Variants in CIB1 observed in about 807,000 individuals in gnomAD.
CIB1 encodes the protein calcium and integrin binding 1, also known as calcium and integrin-binding protein 1.
In CIB1, 19 loss-of-function variants were observed where a neutral mutation model predicts 25.0. The ratio of observed to expected loss-of-function variants is 0.76; its 90% CI spans 0.53 to 1.12. The LOEUF is 1.12. Ranked by LOEUF, CIB1 falls within the 50% of genes most tolerant of loss-of-function variation. CIB1 has a pLI of 0.00. For missense variants in CIB1, 236 were observed against 242.6 expected, an observed-to-expected ratio of 0.97 and a Z score of 0.18; for synonymous variants, 104 against 98.5, an observed-to-expected ratio of 1.06 and a Z score of -0.33.
chr15:90,241,872 A>T, the CIB1 span: 18 of 1,613,998 alleles, frequency 1.1e-5, no homozygotes, highest in African/African-American at 2.7e-5. Flanking sequence ...CAGCTTTGGG[A>T]TAAAGGACGG....
Position 90,231,384 on chromosome 15 carries a change from T to G in CIB1, c.319A>C (p.Lys107Gln). The part of the protein sequence containing the change: ...VFSDTATPDI[K>Q]SHYAFRIFDF... ...AAGATGCGGAAGGCATAATGGGACTTGATGTCTGGCGTGGCTGTGTCACTG... is the reference window on the plus strand; with the variant it reads ...AAGATGCGGAAGGCATAATGGGACTGGATGTCTGGCGTGGCTGTGTCACTG... The change falls in exon 4 of 7, where the codon AAG becomes CAG. Residue 107 changes from lysine (K) to glutamine (Q), a missense_variant. Coordinates refer to ENST00000328649, the MANE Select transcript of CIB1 (RefSeq NM_006384.4). The G allele has an allele frequency of 6.2e-7, 1 of 1,614,198 alleles. No individual in the cohort carries two copies. The highest frequency in any genetic ancestry group is 8.5e-7 in the Non-Finnish European group (1 of 1,180,026).
the CIB1 span, chr15:90,242,171 T>C: frequency 2.2e-6 from 2 of 924,190 alleles, no homozygotes; most frequent in South Asian, 1.8e-5. Context: ...CACTGTAGCC[T>C]CCACCTCTGG....
the CIB1 span, chr15:90,263,393 T>C: frequency 2.0e-6 from 1 of 507,604 alleles, no homozygotes; most frequent in Non-Finnish European, 3.5e-6. Context: ...TACAGGAAAC[T>C]TGCTCTCTAT....
At chr15:90,255,148 A>T in the CIB1 span, among the ~76,000 whole-genome samples, 1 of 152,186 alleles carries the variant, frequency 6.6e-6, no homozygotes, top group Non-Finnish European at 1.5e-5. Context: ...CAACGGAAAG[A>T]TTCTCCTCCT....
upstream of CIB1, chr15:90,234,016 C>T: frequency 9.2e-7 from 1 of 1,091,816 alleles, no homozygotes; most frequent in Non-Finnish European, 1.2e-6. Flanking sequence ...CCGGGCCCGC[C>T]CCCTCCTAAA....
chr15:90,253,426 A>G, the CIB1 span: 1 of 1,326,922 alleles, frequency 7.5e-7, no homozygotes, highest in Non-Finnish European at 1.0e-6. Context: ...GACTATTCCC[A>G]CCTCCTTGCC....
the CIB1 span, among the ~76,000 whole-genome samples, chr15:90,247,193 C>T: frequency 2.0e-5 from 3 of 150,448 alleles, no homozygotes; most frequent in South Asian, 2.1e-4. Flanking sequence ...CCAGGCTGGT[C>T]TCGAACTCCT....
chr15:90,233,571 G>T, intron 2 of CIB1, 98 bp downstream of exon 2: 1 of 1,442,170 alleles, frequency 6.9e-7, no homozygotes, highest in South Asian at 1.2e-5. Context: ...CTCCTCTGCA[G>T]ACCTCAGGCC....
chr15:90,239,716 C>A, the CIB1 span, among the ~76,000 whole-genome samples: 3,810 of 152,288 alleles, frequency 0.025, 148 homozygotes, highest in African/African-American at 0.083. Context: ...ATCTATCTAT[C>A]TATTTTTTTG....
chr15:90,241,616 GC>G, the CIB1 span: 3 of 1,614,026 alleles, frequency 1.9e-6, no homozygotes, highest in Non-Finnish European at 2.5e-6. Flanking sequence ...CGCCAAGCGA[GC>G]CCCTGGACCC....
the CIB1 span, chr15:90,263,648 C>T: frequency 5.0e-6 from 3 of 604,206 alleles, no homozygotes; most frequent in Non-Finnish European, 8.9e-6. Context: ...GTGGCCGCGG[C>T]CTAGAAGAGA....
chr15:90,263,315 C>T, the CIB1 span: 9 of 601,518 alleles, frequency 1.5e-5, no homozygotes, highest in South Asian at 2.3e-5. Context: ...ATTCCTTTTG[C>T]GTCTGTTCCC....
the CIB1 span, chr15:90,253,367 G>A: frequency 6.2e-7 from 1 of 1,610,514 alleles, no homozygotes; most frequent in Non-Finnish European, 8.5e-7. Flanking sequence ...AGAGGTTTCA[G>A]GTACCCATCT....
At chr15:90,254,205 A>ATT in the CIB1 span, among the ~76,000 whole-genome samples, 2,425 of 81,572 alleles carry the variant, frequency 0.03, 61 homozygotes, top group African/African-American at 0.081. Context: ...TTTTTTTTAA[A>ATT]AAAAAAAGGC....
At chr15:90,239,027 A>C (rs1941566816), upstream of CIB1, among the ~76,000 whole-genome samples, 1 of 152,234 alleles carries the variant, frequency 6.6e-6, no homozygotes. Context: ...TAAAAACATG[A>C]CATGTTCAAT....
At chr15:90,241,118 G>A in the CIB1 span, 1 of 1,614,010 alleles carries the variant, frequency 6.2e-7, no homozygotes, top group Non-Finnish European at 8.5e-7. Flanking sequence ...GGAAGCAGCG[G>A]GTGGAGCTGG....
the CIB1 span, among the ~76,000 whole-genome samples, chr15:90,240,498 ACT>A: frequency 6.6e-6 from 1 of 150,624 alleles, no homozygotes; most frequent in Non-Finnish European, 1.5e-5. Flanking sequence ...ACAGAGTGAG[ACT>A]CTGTCTCAAA....
rs754212844 is a variant in CIB1, at chr15:90,232,262, G to T, written c.152C>A (p.Ala51Glu). The T allele has an allele frequency of 6.2e-6, 10 of 1,613,006 alleles. No homozygotes were observed. The highest frequency in any genetic ancestry group is 8.5e-6 in the Non-Finnish European group (10 of 1,179,154). ...GAGAATCTGCTCGAAGGGCACTTGT[G>T]CCCGAAGTGACGACTCCACGCTCCG... ...EQRSVESSLR[A>E]QVPFEQILSL... Residue 51 changes from alanine (A) to glutamate (E), a missense_variant, in exon 3 of 7, where the codon GCA (alanine) becomes GAA (glutamate). Physicochemically the swap from Ala to Glu is moderately radical, Grantham distance 107. Coordinates refer to ENST00000328649, the MANE Select transcript of CIB1 (RefSeq NM_006384.4).
chr15:90,256,611 TTCCTTCC>T, the CIB1 span, among the ~76,000 whole-genome samples: 36 of 43,142 alleles, frequency 8.3e-4, no homozygotes, highest in African/African-American at 3.9e-3. Context: ...CTTTCTTTCC[TTCCTTCC>T]TTCCTTCCTT....
Sources: allele counts gnomAD v4.1 joint callset (sites outside exome capture counted in the v4.1 genomes callset), GRCh38; gene constraint gnomAD v4.1.1; transcripts MANE v1.5; gene names NCBI Gene and HGNC (gene_info 2026-07-23, HGNC 2026-07-21).